MLC1: variants seen among roughly 807,000 people sequenced by gnomAD.
MLC1 encodes modulator of VRAC current 1.
In MLC1, 32 loss-of-function variants were observed where a neutral mutation model predicts 44.7. That is an observed-to-expected ratio of 0.72 (90% CI 0.54 to 0.96). The LOEUF is 0.96. MLC1 is among the 40% of genes least tolerant of loss of function. The pLI is 0.00. For missense variants in MLC1, 459 were observed against 492.2 expected (o/e 0.93, Z 0.64); for synonymous variants, 190 against 213.0 (o/e 0.89, Z 0.94).
chr22:50,078,995 C>T (rs1419534547), intron 5 of MLC1, among the ~76,000 whole-genome samples: 1 of 151,886 alleles, frequency 6.6e-6, no homozygotes, highest in Non-Finnish European at 1.5e-5. Flanking sequence ...AATAAAGAAG[C>T]GTCACAGGCC....
At chr22:50,082,069 C>T (rs986375090) in intron 3 of MLC1, among the ~76,000 whole-genome samples, 3 of 152,180 alleles carry the variant, frequency 2.0e-5, no homozygotes, top group Non-Finnish European at 4.4e-5. Context: ...GGACAGTCAC[C>T]AACAGTGTCC....
chr22:50,073,552 A>C (rs1341997417), intron 8 of MLC1, among the ~76,000 whole-genome samples: 1 of 152,102 alleles, frequency 6.6e-6, no homozygotes, highest in Non-Finnish European at 1.5e-5. Context: ...CCAACATGGC[A>C]AAACCCGGTC....
Position 50,077,509 on chromosome 22 carries a change from A to G in MLC1, c.424-7T>C. ...GGATGAGGTTGAAGTTGATCTGCCAAGGGGCACACACGCTTCAGCACCGGG... is the reference window on the plus strand; with the variant it reads ...GGATGAGGTTGAAGTTGATCTGCCAGGGGGCACACACGCTTCAGCACCGGG... On this transcript the variant is annotated splice_polypyrimidine_tract_variant and splice_region_variant and intron_variant, in intron 5 of 11. Transcript: ENST00000311597. The G allele has an allele frequency of 3.1e-6, 5 of 1,611,088 alleles. No homozygotes were observed. Among genetic ancestry groups the G allele is most frequent in the Non-Finnish European group, 4.2e-6 (5 of 1,178,166 alleles).
chr22:50,066,064 C>A (rs541231116), intron 10 of MLC1, among the ~76,000 whole-genome samples: 35 of 149,780 alleles, frequency 2.3e-4, no homozygotes, highest in Non-Finnish European at 4.0e-4. Context: ...GGGCTGGGCA[C>A]GGTGGCAGAA....
intron 7 of MLC1, 107 bp downstream of exon 7, chr22:50,076,734 G>A: frequency 8.3e-7 from 1 of 1,200,474 alleles, no homozygotes; most frequent in Non-Finnish European, 1.2e-6. Flanking sequence ...ATGCGGTGTA[G>A]ACAGCCAACT....
chr22:50,084,298 C>G (rs1044737899), intron 2 of MLC1, among the ~76,000 whole-genome samples: 5 of 152,168 alleles, frequency 3.3e-5, no homozygotes, highest in Non-Finnish European at 5.9e-5. Flanking sequence ...TCCCTCCCAG[C>G]CGGCCCCTGA....
In MLC1 at chr22:50,059,826, G is replaced by A. The variant is rs1181643225; in HGVS notation, c.*1757C>T. The stretch of plus-strand genomic sequence containing the variant: ...CGGAGCTGCCGAGGACTGCAGAGAG[G>A]GCCTGGCTTGTCCCCTCTAGGAGCA... On this transcript the variant is annotated 3_prime_UTR_variant, in exon 12 of 12. Coordinates refer to ENST00000311597, the MANE Select transcript of MLC1 (RefSeq NM_015166.4). The A allele has an allele frequency of 6.6e-6, 1 of 152,324 alleles. No homozygotes were observed. The highest frequency in any genetic ancestry group is 1.5e-5 in the Non-Finnish European group (1 of 68,050). 9.4% of individuals were successfully genotyped at this position (152,324 alleles called of 1,614,324 possible).
chr22:50,078,555 A>G (rs867287765), intron 5 of MLC1, among the ~76,000 whole-genome samples: 5 of 151,754 alleles, frequency 3.3e-5, no homozygotes, highest in Non-Finnish European at 3.0e-5. Flanking sequence ...CCTGACCAAC[A>G]TGGTGAAACC....
At chr22:50,084,454 CAT>C (rs1257344205) in intron 2 of MLC1, among the ~76,000 whole-genome samples, 1 of 152,224 alleles carries the variant, frequency 6.6e-6, no homozygotes, top group Non-Finnish European at 1.5e-5. Context: ...TCCTGGGGCC[CAT>C]TCATGGCCCT....
intron 11 of MLC1, among the ~76,000 whole-genome samples, chr22:50,063,484 A>AG (rs1376640671): frequency 1.3e-5 from 2 of 151,426 alleles, no homozygotes; most frequent in African/African-American, 4.8e-5. Context: ...AAAAAAAAAA[A>AG]AAAAAAGAAA....
intron 7 of MLC1, among the ~76,000 whole-genome samples, chr22:50,075,085 T>C (rs1166878480): frequency 1.3e-5 from 2 of 150,668 alleles, no homozygotes; most frequent in African/African-American, 4.9e-5. Flanking sequence ...TGTGGACTCA[T>C]CTGCCCGGCA....
intron 7 of MLC1, among the ~76,000 whole-genome samples, chr22:50,075,339 C>G (rs1048685372): frequency 6.6e-6 from 1 of 152,192 alleles, no homozygotes; most frequent in African/African-American, 2.4e-5. Flanking sequence ...AGTGGGCCAG[C>G]AAGGGCTTGG....
In MLC1 at chr22:50,061,636, C is replaced by T. The variant is rs373419167; in HGVS notation, c.1081G>A (p.Glu361Lys). 57 of 1,613,598 alleles carry T rather than the reference C, an allele frequency of 3.5e-5. No individual in the cohort carries two copies. Among genetic ancestry groups the T allele is most frequent in the Non-Finnish European group, 4.4e-5 (52 of 1,180,008 alleles). The change falls in exon 12 of 12, where the codon GAG becomes AAG. Residue 361 changes from glutamate (E) to lysine (K), a missense_variant. Coordinates refer to ENST00000311597, the MANE Select transcript of MLC1 (RefSeq NM_015166.4). ...AGEVARSPLK[E>K]FDKEKAWRAV... ...CTCCAGGCTTTCTCCTTGTCGAACT[C>T]CTTCAGGGGGCTCCTGGCCACCTGC...
intron 8 of MLC1, 75 bp from the exon 9 acceptor site, chr22:50,070,658 CCAGTGACCCCTCCATG>C: frequency 6.9e-7 from 1 of 1,445,184 alleles, no homozygotes; most frequent in Non-Finnish European, 9.5e-7. Context: ...TGCCCTCCCA[CCAGTGACCCCTCCATG>C]CAGGCTGCCT....
chr22:50,082,312 C>G (rs2062166130), intron 3 of MLC1, among the ~76,000 whole-genome samples: 1 of 152,242 alleles, frequency 6.6e-6, no homozygotes, highest in South Asian at 2.1e-4. Context: ...GCATGGTGCT[C>G]TAGCTGCCGG....
chr22:50,079,582 AC>A (rs1465153362), intron 5 of MLC1, among the ~76,000 whole-genome samples: 1 of 127,000 alleles, frequency 7.9e-6, no homozygotes, highest in Non-Finnish European at 1.6e-5. Flanking sequence ...CTCGGCTCCC[AC>A]AACCTCTGCC....
At chr22:50,081,017 G>GAAAGAAAGAAAGAAAGAAAGAA (rs1555968016) in intron 3 of MLC1, among the ~76,000 whole-genome samples, 9,690 of 138,968 alleles carry the variant, frequency 0.07, 515 homozygotes, top group East Asian at 0.12. Flanking sequence ...AAAAAAGAAA[G>GAAAGAAAGAAAGAAAGAAAGAA]AAAGAAAGAA....
In MLC1 at chr22:50,070,731, G is replaced by A. The variant is rs1411963806; in HGVS notation, c.715-148C>T. On this transcript the variant is annotated intron_variant, in intron 8 of 11. Coordinates refer to ENST00000311597, the MANE Select transcript of MLC1 (RefSeq NM_015166.4). The stretch of plus-strand genomic sequence containing the variant: ...AGGGGGGATGGTGCAGTGCCCAAAG[G>A]CGCAGCTGGGGCAGGGACGGGTCCG... The A allele has an allele frequency of 3.6e-6, 3 of 826,574 alleles. No homozygotes were observed. In the East Asian group the frequency reaches 8.0e-5, roughly 22 times the overall value. 51.2% of individuals were successfully genotyped at this position (826,574 alleles called of 1,614,324 possible). A position where few individuals can be genotyped will look rare whatever the true frequency, so the allele number is the denominator to read the frequency against.
At chr22:50,068,268 G>A (rs576664976) in intron 10 of MLC1, among the ~76,000 whole-genome samples, 165 bp downstream of exon 10, 2 of 152,244 alleles carry the variant, frequency 1.3e-5, no homozygotes, top group South Asian at 4.1e-4. Flanking sequence ...GGCCAGGCTG[G>A]CATTGGGGAG....
Sources: gnomAD v4.1 joint callset for allele counts (sites outside exome capture counted in the v4.1 genomes callset) on GRCh38, gnomAD v4.1.1 for gene constraint, MANE v1.5 for transcripts, NCBI Gene and HGNC (gene_info 2026-07-23, HGNC 2026-07-21) for gene names.